MUC3A: variants seen among roughly 807,000 people sequenced by gnomAD.
MUC3A encodes the protein mucin 3A, cell surface associated.
Under a neutral mutation model 109.0 loss-of-function variants are expected in MUC3A, and 109 were observed. The observed-to-expected ratio is 1.00, with a 90% confidence interval of 0.86 to 1.17. The LOEUF is 1.17. Among genes scored for constraint, MUC3A ranks in the 50% most tolerant of loss-of-function variants. The pLI, the probability that MUC3A is intolerant of heterozygous loss-of-function variation, is 0.00. For missense variants in MUC3A, 3,537 were observed against 2,469.4 expected, an observed-to-expected ratio of 1.43 and a Z score of -9.16; for synonymous variants, 1,398 against 981.4, an observed-to-expected ratio of 1.42 and a Z score of -7.93.
In MUC3A at chr7:100,960,225, C is replaced by T. The variant is rs763050833; in HGVS notation, c.8446C>T (p.Pro2816Ser). ...CTTTACTACCGAAATGGTCACCTGT[C>T]CTACCTCCATCAGTATCCAAACTAC... ...FPFTTEMVTC[P>S]TSISIQTTLT... is the part of the protein sequence containing the mutation. The change falls in exon 2 of 12, where the codon CCT becomes TCT. Residue 2816 changes from proline to serine, a missense_variant. Physicochemically the swap from Pro to Ser is moderately conservative, Grantham distance 74. Transcript: ENST00000379458. 3.1e-6 allele frequency: 5 copies of T among 1,598,076 alleles called. No individual in the cohort carries two copies. Among genetic ancestry groups the T allele is most frequent in the Non-Finnish European group, 4.2e-6 (5 of 1,179,468 alleles).
Position 100,960,481 on chromosome 7 carries a change from C to T in MUC3A, c.8702C>T (p.Thr2901Ile), listed in dbSNP as rs751652961. The T allele has an allele frequency of 1.3e-6, 2 of 1,598,676 alleles. No homozygotes were observed. The highest frequency in any genetic ancestry group is 1.7e-6 in the Non-Finnish European group (2 of 1,179,828). The change falls in exon 2 of 12, where the codon ACC becomes ATC. Residue 2901 changes from threonine (T) to isoleucine (I), a missense_variant. Coordinates refer to ENST00000379458, the MANE Select transcript of MUC3A (RefSeq NM_005960.2). ...ATGAAACCAAGCAGTAGCCTCCCGA[C>T]CATCCTGAGGACTTCAAGCAAGTCA... is the stretch of plus-strand genomic sequence containing the variant. ...LTMKPSSSLP[T>I]ILRTSSKSTH... is the part of the protein sequence containing the mutation.
At position 100,963,207 on chromosome 7, in the gene MUC3A, G is replaced by A; in HGVS notation, c.9109G>A (p.Asp3037Asn). 1 of 1,598,380 alleles carries A rather than the reference G, an allele frequency of 6.3e-7. No homozygotes were observed. The highest frequency in any genetic ancestry group is 2.2e-5 in the East Asian group (1 of 44,890). ...GTCTGTGGATCAGCAGTTCTCGCCG[G>A]ACCTCAATGACAACACTTCCCAGGC... ...EVSVDQQFSP[D>N]LNDNTSQAYR... The change falls in exon 4 of 12, where the codon GAC (aspartate) becomes AAC (asparagine). Residue 3037 changes from aspartate (D) to asparagine (N), a missense_variant. By Grantham distance (23) the Asp-to-Asn change is conservative (BLOSUM62 1). Coordinates refer to ENST00000379458, the MANE Select transcript of MUC3A (RefSeq NM_005960.2).
At chr7:100,965,666 G>C (rs1299499949) in intron 7 of MUC3A, 38 bp from the exon 8 acceptor site, 2 of 1,580,844 alleles carry the variant, frequency 1.3e-6, no homozygotes, top group Admixed American at 1.7e-5. Flanking sequence ...GAATGGATGA[G>C]GTCCTTGTCT....
At chr7:100,963,619 G>C (rs2116216441) in intron 4 of MUC3A, 69 bp from the exon 5 acceptor site, 1 of 1,596,492 alleles carries the variant, frequency 6.3e-7, no homozygotes, top group Non-Finnish European at 8.5e-7. Context: ...CCTGGAGCTG[G>C]GGTTGGGCGT....
chr7:100,967,795 C>T lies in MUC3A; in HGVS notation c.*633C>T. 6.6e-6 allele frequency: 1 copy of T among 150,844 alleles called. No individual in the cohort carries two copies. The allele number at this position is 150,844 out of a possible 1,614,324, so 9.3% of individuals were successfully genotyped here. ...CCAGCCCTAAATCCTCCCTCCTCTCCTCACATCCTGGTCCCTAGCAAGGTA... is the reference window on the plus strand; with the variant it reads ...CCAGCCCTAAATCCTCCCTCCTCTCTTCACATCCTGGTCCCTAGCAAGGTA... On this transcript the variant is annotated 3_prime_UTR_variant, in exon 12 of 12. Coordinates refer to ENST00000379458, the MANE Select transcript of MUC3A (RefSeq NM_005960.2).
chr7:100,966,027 C>A, intron 8 of MUC3A, 161 bp downstream of exon 8: 2 of 1,237,444 alleles, frequency 1.6e-6, no homozygotes, highest in Admixed American at 3.0e-5. Context: ...TACAGTGGAG[C>A]CCTGCCCTGG....
intron 3 of MUC3A, 70 bp downstream of exon 3, chr7:100,961,007 C>T: frequency 2.5e-6 from 4 of 1,595,016 alleles, no homozygotes; most frequent in Non-Finnish European, 3.4e-6. Context: ...CAGACTTATC[C>T]CTCTGTGGGG....
chr7:100,949,665 A>G lies in MUC3A; in HGVS notation c.41A>G (p.Lys14Arg), dbSNP rs1791878884. The stretch of plus-strand genomic sequence containing the variant: ...CTCCTCGGCCTCCTCTGGATGCTCA[A>G]GGCCTCCCCGTGGGCCACAGGTAAG... ...LGLLGLLWML[K>R]ASPWATGTLS... Residue 14 changes from lysine to arginine, a missense_variant, in exon 1 of 12, where the codon AAG becomes AGG. By Grantham distance (26) the Lys-to-Arg change is conservative. Coordinates refer to ENST00000379458, the MANE Select transcript of MUC3A (RefSeq NM_005960.2). The G allele has an allele frequency of 2.6e-6, 4 of 1,555,430 alleles. No homozygotes were observed. Among genetic ancestry groups the G allele is most frequent in the Non-Finnish European group, 3.5e-6 (4 of 1,158,132 alleles).
rs1232252648 is a variant in MUC3A at position 100,958,600 on chromosome 7, C to G, written c.6821C>G (p.Thr2274Ser). The change falls in exon 2 of 12, where the codon ACT becomes AGT. Residue 2274 changes from threonine to serine, a missense_variant. Thr to Ser is a moderately conservative substitution (Grantham distance 58). Coordinates refer to ENST00000379458, the MANE Select transcript of MUC3A (RefSeq NM_005960.2). ...ACCTCACATGATACTCCCAGCTTCACTTCTTCAATCACCACCAGTGAGACC... is the reference window on the plus strand; with the variant it reads ...ACCTCACATGATACTCCCAGCTTCAGTTCTTCAATCACCACCAGTGAGACC... ...ETTSHDTPSFTSSITTSETPS... is the reference protein window; with the variant it reads ...ETTSHDTPSFSSSITTSETPS... 1.8e-3 allele frequency: 2,563 copies of G among 1,415,256 alleles called. 59 individuals carry two copies. In the African/African-American group the frequency reaches 0.037, roughly 20 times the overall value. The allele number at this position is 1,415,256 out of a possible 1,614,324, so 87.7% of individuals were successfully genotyped here.
At chr7:100,965,139 T>TCCA in intron 6 of MUC3A, 143 bp from the exon 7 acceptor site, 8 of 10,784 alleles carry the variant, frequency 7.4e-4, no homozygotes, top group Non-Finnish European at 5.6e-4. Context: ...CGCCTGTGGC[T>TCCA]CTCTCCGTCT....
chr7:100,957,632 C>G lies in MUC3A; in HGVS notation c.5853C>G (p.Thr1951=). ...CTTCAATCACCAATACCAAGACCAC[C>G]TCACACAGCTCTCCCAGCTTCACTT... ...FTSSITNTKT[T]SHSSPSFTSS... The change falls in exon 2 of 12, where the codon ACC becomes ACG. Residue 1951 remains threonine (T), a synonymous_variant. Coordinates refer to ENST00000379458, the MANE Select transcript of MUC3A (RefSeq NM_005960.2). The G allele has an allele frequency of 3.0e-6, 4 of 1,339,494 alleles. No homozygotes were observed. The allele number at this position is 1,339,494 out of a possible 1,614,324, so 83.0% of individuals were successfully genotyped here. A position where few individuals can be genotyped will look rare whatever the true frequency, so the allele number is the denominator to read the frequency against.
rs772109526 is a variant in MUC3A at position 100,964,689 on chromosome 7, C to G, written c.9234-6C>G. 18 of 1,597,728 alleles carry G rather than the reference C, an allele frequency of 1.1e-5. No homozygotes were observed. The highest frequency in any genetic ancestry group is 1.7e-6 in the Non-Finnish European group (2 of 1,179,394). Reference sequence around the variant, plus strand: ...GGGGCACTCTCTAAGGCTGTGGACCCCTCAGGAATGGCAGCATCGTGGTGG... The same window carrying G: ...GGGGCACTCTCTAAGGCTGTGGACCGCTCAGGAATGGCAGCATCGTGGTGG... On this transcript the variant is annotated splice_polypyrimidine_tract_variant and splice_region_variant and intron_variant, in intron 5 of 11. Coordinates refer to ENST00000379458, the MANE Select transcript of MUC3A (RefSeq NM_005960.2).
rs1017963738 is a variant in MUC3A at position 100,954,988 on chromosome 7, C to G, written c.3209C>G (p.Thr1070Ser). 4.7e-5 allele frequency: 25 copies of G among 535,536 alleles called. No individual in the cohort carries two copies. Among genetic ancestry groups the G allele is most frequent in the Non-Finnish European group, 6.8e-5 (21 of 306,820 alleles). The allele number at this position is 535,536 out of a possible 1,614,324, so 33.2% of individuals were successfully genotyped here. A position where few individuals can be genotyped will look rare whatever the true frequency, so the allele number is the denominator to read the frequency against. Reference protein sequence around the residue: ...TNTTPLSTLVTTLLTTITRST... With the variant: ...TNTTPLSTLVSTLLTTITRST... ...ACCACCCCTCTATCCACCTTGGTGACTACACTCCTCACTACCATCACCAGA... is the reference window on the plus strand; with the variant it reads ...ACCACCCCTCTATCCACCTTGGTGAGTACACTCCTCACTACCATCACCAGA... The change falls in exon 2 of 12, where the codon ACT (threonine) becomes AGT (serine). Residue 1070 changes from threonine (T) to serine (S), a missense_variant. Transcript: ENST00000379458.
At position 100,958,533 on chromosome 7, in the gene MUC3A, A is replaced by C; in HGVS notation, c.6754A>C (p.Ser2252Arg). The C allele has an allele frequency of 3.7e-6, 5 of 1,350,482 alleles. No individual in the cohort carries two copies. In the Admixed American group the frequency reaches 8.4e-5, roughly 23 times the overall value. 83.7% of individuals were successfully genotyped at this position (1,350,482 alleles called of 1,614,324 possible). A position where few individuals can be genotyped will look rare whatever the true frequency, so the allele number is the denominator to read the frequency against. Reference protein sequence around the residue: ...SITTTETTSHSTPSFTSSITT... With the variant: ...SITTTETTSHRTPSFTSSITT... ...CACCACCACTGAGACTACATCCCAC[A>C]GTACTCCCAGCTTCACTTCTTCGAT... Residue 2252 changes from serine (S) to arginine (R), a missense_variant, in exon 2 of 12, where the codon AGT (serine) becomes CGT (arginine). Coordinates refer to ENST00000379458, the MANE Select transcript of MUC3A (RefSeq NM_005960.2).
Position 100,963,537 on chromosome 7 carries a change from G to A in MUC3A, c.9169-151G>A, listed in dbSNP as rs146145938. ...ACTGACTTTGTGATCCACCTGCCTC[G>A]TCCTCCCAAAGTGTTGGGATTACAG... On this transcript the variant is annotated intron_variant, in intron 4 of 11. Coordinates refer to ENST00000379458, the MANE Select transcript of MUC3A (RefSeq NM_005960.2). 66 of 1,225,890 alleles carry A rather than the reference G, an allele frequency of 5.4e-5. No individual in the cohort carries two copies. The African/African-American group carries it at 5.5e-4, about 10-fold the overall frequency. The allele number at this position is 1,225,890 out of a possible 1,614,324, so 75.9% of individuals were successfully genotyped here.
At chr7:100,966,864 T>A in intron 10 of MUC3A, 35 bp from the exon 11 acceptor site, 2 of 1,598,482 alleles carry the variant, frequency 1.3e-6, no homozygotes, top group Non-Finnish European at 1.7e-6. Context: ...CCCCTCCCTC[T>A]CCCCTTCTCT....
rs1416212821 is a variant in MUC3A, at chr7:100,960,127, C to A, written c.8348C>A (p.Thr2783Asn). 2.6e-6 allele frequency: 4 copies of A among 1,546,792 alleles called. No individual in the cohort carries two copies. In the African/African-American group the frequency reaches 5.4e-5, roughly 21 times the overall value. Residue 2783 changes from threonine to asparagine, a missense_variant, in exon 2 of 12, where the codon ACT becomes AAT. Thr to Asn is a moderately conservative substitution (Grantham distance 65, BLOSUM62 0). Transcript: ENST00000379458. ...ITITIVPASPTDPCVEMDPST... is the reference protein window; with the variant it reads ...ITITIVPASPNDPCVEMDPST... ...ATTACCATAGTCCCTGCCTCCCCCA[C>A]TGATCCATGTGTTGAAATGGATCCC... is the stretch of plus-strand genomic sequence containing the variant.
At position 100,966,421 on chromosome 7, in the gene MUC3A, C is replaced by G. The variant is rs1195180218; in HGVS notation, c.9647C>G (p.Pro3216Arg). 1.5e-5 allele frequency: 20 copies of G among 1,348,688 alleles called. No homozygotes were observed. Among genetic ancestry groups the G allele is most frequent in the Non-Finnish European group, 1.8e-5 (19 of 1,057,190 alleles). 83.5% of individuals were successfully genotyped at this position (1,348,688 alleles called of 1,614,324 possible). A position where few individuals can be genotyped will look rare whatever the true frequency, so the allele number is the denominator to read the frequency against. The change falls in exon 9 of 12, where the codon CCG becomes CGG. Residue 3216 changes from proline to arginine, a missense_variant. Transcript: ENST00000379458. Reference sequence around the variant, plus strand: ...ACCGACACGCACTGGTTCTCTGGCCCGCGCTGCGAGGTGGCCGTCCACTGG... The same window carrying G: ...ACCGACACGCACTGGTTCTCTGGCCGGCGCTGCGAGGTGGCCGTCCACTGG... ...YSTDTHWFSGPRCEVAVHWRA... is the reference protein window; with the variant it reads ...YSTDTHWFSGRRCEVAVHWRA...
Position 100,955,662 on chromosome 7 carries a change from A to C in MUC3A, c.3883A>C (p.Ser1295Arg), listed in dbSNP as rs2116173530. Reference sequence around the variant, plus strand: ...ATTTTCATCTTCCATGTCTGCCAGCAGTGCAGGGACCACTCACACAGAGAC... The same window carrying C: ...ATTTTCATCTTCCATGTCTGCCAGCCGTGCAGGGACCACTCACACAGAGAC... ...YSFSSSMSASSAGTTHTETIS... is the reference protein window; with the variant it reads ...YSFSSSMSASRAGTTHTETIS... The change falls in exon 2 of 12, where the codon AGT becomes CGT. Residue 1295 changes from serine (S) to arginine (R), a missense_variant. Physicochemically the swap from Ser to Arg is moderately radical, Grantham distance 110 (BLOSUM62 -1). Coordinates refer to ENST00000379458, the MANE Select transcript of MUC3A (RefSeq NM_005960.2). The C allele has an allele frequency of 2.2e-6, 1 of 451,488 alleles. No individual in the cohort carries two copies. Among genetic ancestry groups the C allele is most frequent in the East Asian group, 3.4e-5 (1 of 29,086 alleles). The allele number at this position is 451,488 out of a possible 1,614,324, so 28.0% of individuals were successfully genotyped here.
Sources: allele counts gnomAD v4.1 joint callset, GRCh38; gene constraint gnomAD v4.1.1; transcripts MANE v1.5; gene names NCBI Gene and HGNC (gene_info 2026-07-23, HGNC 2026-07-21).